Variants in XG observed in about 807,000 individuals in gnomAD.
The protein encoded by XG is Xg glycoprotein (Xg blood group), also known as glycoprotein Xg.
Under a neutral mutation model 25.7 loss-of-function variants are expected in XG, and 24 were observed. The observed-to-expected ratio is 0.93, with a 90% CI of 0.68 to 1.31. The LOEUF is 1.31. Ranked by LOEUF, XG falls within the 40% of genes most tolerant of loss-of-function variation. XG has a pLI of 0.00. For synonymous variants in XG, 77 were observed against 69.2 expected, an observed-to-expected ratio of 1.11 and a Z score of -0.56; for missense variants, 181 against 187.6, an observed-to-expected ratio of 0.96 and a Z score of 0.21.
chrX:2,770,107 A>G (rs2050784601), intron 1 of XG, among the ~76,000 whole-genome samples: 1 of 151,824 alleles, frequency 6.6e-6, no homozygotes, highest in South Asian at 2.1e-4. Flanking sequence ...GTGCTTGGAG[A>G]GAGGCTTCCT....
chrX:2,765,057 A>AAG (rs1556360103), intron 1 of XG, among the ~76,000 whole-genome samples: 29 of 136,028 alleles, frequency 2.1e-4, no homozygotes, highest in East Asian at 4.5e-4. Flanking sequence ...AAAAAAAAAA[A>AAG]AAAAAAAAGG....
Position 2,759,815 on chromosome X carries a change from C to T in XG, c.61+7480C>T, listed in dbSNP as rs188751279. On this transcript the variant is annotated intron_variant, in intron 1 of 10. Coordinates refer to ENST00000644266, the MANE Select transcript of XG (RefSeq NM_001141919.2). ...CCTGCAGGTGGGGCTCTGCCAGACA[C>T]GGCAAAGCTCCTGGGGATTCCCCCG... 1.7e-3 allele frequency among the ~76,000 whole-genome samples: 253 copies of T among 152,292 alleles called. 4 individuals carry two copies. In the East Asian group the frequency reaches 0.04, roughly 24 times the overall value.
chrX:2,774,032 C>T (rs1183113955), intron 2 of XG, among the ~76,000 whole-genome samples: 5 of 152,130 alleles, frequency 3.3e-5, no homozygotes, highest in African/African-American at 4.8e-5. Context: ...GTGTTCCAGC[C>T]GCCTCCTACC....
intron 1 of XG, among the ~76,000 whole-genome samples, chrX:2,762,342 C>A (rs1373151011): frequency 6.6e-6 from 1 of 152,146 alleles, no homozygotes; most frequent in Admixed American, 6.5e-5. Flanking sequence ...ATAATATGGT[C>A]ACTGGGAAGT....
chrX:2,777,610 ATAAAT>A (rs977829636), intron 3 of XG, among the ~76,000 whole-genome samples: 9 of 152,164 alleles, frequency 5.9e-5, no homozygotes, highest in Admixed American at 1.3e-4. Context: ...AAAAAAAATA[ATAAAT>A]TAAAAACCTG....
intron 6 of XG, among the ~76,000 whole-genome samples, chrX:2,795,482 CAT>C (rs57796622): frequency 0.068 from 7,098 of 104,460 alleles, 557 homozygotes; most frequent in African/African-American, 0.22. Flanking sequence ...TTTATATATA[CAT>C]ATGTGTATAT....
chrX:2,758,033 G>A (rs187018310), intron 1 of XG, among the ~76,000 whole-genome samples: 1 of 146,416 alleles, frequency 6.8e-6, no homozygotes, highest in Non-Finnish European at 1.5e-5. Context: ...AAGGTGAGAA[G>A]CCATACCACG....
intron 1 of XG, among the ~76,000 whole-genome samples, chrX:2,754,989 C>T (rs1353928952): frequency 6.6e-6 from 1 of 152,130 alleles, no homozygotes; most frequent in Non-Finnish European, 1.5e-5. Context: ...AGGATTTGGA[C>T]GGGGGCAGCC....
intron 1 of XG, among the ~76,000 whole-genome samples, chrX:2,768,905 C>T (rs778912644): frequency 3.5e-4 from 53 of 152,244 alleles, no homozygotes; most frequent in African/African-American, 1.2e-3. Context: ...CTGAGAGGGA[C>T]GTGGGGGCTC....
chrX:2,774,821 C>T (rs2050939643), intron 3 of XG, 82 bp downstream of exon 3: 14 of 1,559,208 alleles, frequency 9.0e-6, no homozygotes, highest in Non-Finnish European at 1.1e-5. Flanking sequence ...GGATGTTTTA[C>T]AGAACTGTGG....
chrX:2,774,366 C>T (rs1045641617), intron 2 of XG, among the ~76,000 whole-genome samples: 1 of 146,162 alleles, frequency 6.8e-6, no homozygotes, highest in Non-Finnish European at 1.5e-5. Flanking sequence ...CTGGAAGCTG[C>T]AAGTCTTTCT....
At chrX:2,793,248 T>G (rs2316292) in intron 5 of XG, among the ~76,000 whole-genome samples, 3 of 111,751 alleles carry the variant, frequency 2.7e-5, no homozygotes, top group Non-Finnish European at 5.6e-5. Context: ...GTGACAATGG[T>G]GCACATTAGC....
chrX:2,780,100 TG>T (rs1219734724), intron 3 of XG, among the ~76,000 whole-genome samples: 1 of 152,130 alleles, frequency 6.6e-6, no homozygotes, highest in Non-Finnish European at 1.5e-5. Flanking sequence ...AATACAAGAC[TG>T]GTTGGATCTA....
At chrX:2,754,024 T>A (rs926527210) in intron 1 of XG, among the ~76,000 whole-genome samples, 3 of 152,186 alleles carry the variant, frequency 2.0e-5, no homozygotes, top group African/African-American at 7.2e-5. Flanking sequence ...TGAAGGCAGG[T>A]AAGGCTAAGC....
chrX:2,777,084 TAAG>T (rs2051015389), intron 3 of XG, among the ~76,000 whole-genome samples: 1 of 152,122 alleles, frequency 6.6e-6, no homozygotes, highest in African/African-American at 2.4e-5. Flanking sequence ...TGCTCTGCCA[TAAG>T]AAGAAATTCA....
At position 2,789,093 on chromosome X, in the gene XG, T is replaced by C. The variant is rs2086811891; in HGVS notation, c.191-551T>C. 1.8e-5 allele frequency among the ~76,000 whole-genome samples: 2 copies of C among 110,468 alleles called. 1 individual carries two copies. Among genetic ancestry groups the C allele is most frequent in the South Asian group, 7.8e-4 (2 of 2,578 alleles). ...ACAAATTTTAAAAATTAGCCAACTA[T>C]GGTGGTATGCACCTGTAGACTGAGC... On this transcript the variant is annotated intron_variant, in intron 4 of 10. Transcript: ENST00000644266.
chrX:2,796,350 G>A (rs1397762228), intron 6 of XG, among the ~76,000 whole-genome samples: 1 of 107,620 alleles, frequency 9.3e-6, no homozygotes, highest in Non-Finnish European at 1.9e-5. Flanking sequence ...TGCATATATA[G>A]CTTACATATG....
intron 7 of XG, among the ~76,000 whole-genome samples, chrX:2,801,410 G>A (rs763131327): frequency 2.9e-4 from 33 of 111,868 alleles, no homozygotes; most frequent in Non-Finnish European, 4.9e-4. Context: ...AGCAGCTTTT[G>A]TAGGCAGGCT....
rs1489686612 is a variant in XG, at chrX:2,752,261, T to A, written c.-14T>A. The A allele has an allele frequency of 1.9e-6, 3 of 1,613,664 alleles. No homozygotes were observed. The African/African-American group carries it at 4.0e-5, about 22-fold the overall frequency. On this transcript the variant is annotated 5_prime_UTR_variant, in exon 1 of 11. Transcript: ENST00000644266. ...TGGGGAGTCCACTGAGGTTCTTGCATCCTGAAGCAAACCATGGAGAGCTGG... is the reference window on the plus strand; with the variant it reads ...TGGGGAGTCCACTGAGGTTCTTGCAACCTGAAGCAAACCATGGAGAGCTGG...
Sources: allele counts gnomAD v4.1 joint callset (sites outside exome capture counted in the v4.1 genomes callset), GRCh38; gene constraint gnomAD v4.1.1; transcripts MANE v1.5; gene names NCBI Gene and HGNC (gene_info 2026-07-23, HGNC 2026-07-21).